Variants in ULK4 observed in about 807,000 individuals in gnomAD.
The protein encoded by ULK4 is inactive serine/threonine-protein kinase ULK4.
In ULK4, 133 loss-of-function variants were observed where a neutral mutation model predicts 160.6. The observed-to-expected ratio is 0.83, with a 90% CI of 0.72 to 0.96. The LOEUF is 0.96. ULK4 is among the 40% of genes least tolerant of loss of function. ULK4 has a pLI of 0.00. For missense variants in ULK4, 1,580 were observed against 1,499.5 expected (o/e 1.05, Z -0.89); for synonymous variants, 534 against 539.8 (o/e 0.99, Z 0.15).
intron 2 of ULK4, among the ~76,000 whole-genome samples, chr3:41,938,884 C>T (rs1292909782): frequency 6.6e-6 from 1 of 152,024 alleles, no homozygotes; most frequent in Non-Finnish European, 1.5e-5. Context: ...AGACACACTA[C>T]TTTTATGGCC....
At chr3:41,498,655 G>A (rs2125914141) in intron 32 of ULK4, among the ~76,000 whole-genome samples, 1 of 151,730 alleles carries the variant, frequency 6.6e-6, no homozygotes, top group Admixed American at 6.5e-5. Flanking sequence ...GAGTGCAGTG[G>A]CACGATCTCA....
Position 41,287,383 on chromosome 3 carries a change from T to C in ULK4, c.3679-37809A>G, listed in dbSNP as rs117185643. Among the ~76,000 whole-genome samples, 65 of 152,278 alleles carry C rather than the reference T, an allele frequency of 4.3e-4. 1 individual carries two copies. The East Asian group carries it at 9.8e-3, about 23-fold the overall frequency. Reference sequence around the variant, plus strand: ...CCTTCTGGCTCAAGAACTGAAATGATATGAAGAGAAAAAACAACGCAGCTT... The same window carrying C: ...CCTTCTGGCTCAAGAACTGAAATGACATGAAGAGAAAAAACAACGCAGCTT... On this transcript the variant is annotated intron_variant, in intron 35 of 36. Transcript: ENST00000301831.
chr3:41,768,737 G>A (rs1176239160), intron 21 of ULK4, among the ~76,000 whole-genome samples: 2 of 152,044 alleles, frequency 1.3e-5, no homozygotes, highest in African/African-American at 4.8e-5. Flanking sequence ...CATTTTGGGT[G>A]GTTTGTTACA....
intron 35 of ULK4, among the ~76,000 whole-genome samples, chr3:41,333,245 A>T (rs1559529311): frequency 1.3e-5 from 2 of 152,220 alleles, no homozygotes; most frequent in Non-Finnish European, 1.5e-5. Flanking sequence ...ATGGAAGTTA[A>T]TGTTATGACA....
chr3:41,809,122 C>A (rs1196780555), intron 19 of ULK4, among the ~76,000 whole-genome samples: 4 of 151,058 alleles, frequency 2.6e-5, no homozygotes, highest in Non-Finnish European at 5.9e-5. Context: ...GCCGTGATCA[C>A]CCCACTGCAC....
intron 35 of ULK4, among the ~76,000 whole-genome samples, chr3:41,320,675 G>C (rs1280400295): frequency 9.0e-6 from 1 of 111,434 alleles, no homozygotes; most frequent in African/African-American, 4.1e-5. Flanking sequence ...CCAGCACTTT[G>C]AGAGGCTGAG....
chr3:41,954,163 T>C (rs6807562), intron 2 of ULK4, among the ~76,000 whole-genome samples: 20,209 of 130,488 alleles, frequency 0.15, 1,530 homozygotes, highest in Middle Eastern at 0.32. Flanking sequence ...GGCGACAGAG[T>C]GAGACTCCGT....
chr3:41,848,238 G>A (rs1424449446), intron 17 of ULK4, among the ~76,000 whole-genome samples: 1 of 151,850 alleles, frequency 6.6e-6, no homozygotes, highest in Non-Finnish European at 1.5e-5. Flanking sequence ...AAACTGTCAG[G>A]AAAAGCAAGT....
chr3:41,863,219 C>T (rs761754581), intron 17 of ULK4, among the ~76,000 whole-genome samples: 10 of 150,842 alleles, frequency 6.6e-5, no homozygotes, highest in Admixed American at 5.3e-4. Flanking sequence ...AGGATCCTCA[C>T]CTGTAGCCAC....
intron 35 of ULK4, among the ~76,000 whole-genome samples, chr3:41,268,059 C>T (rs551333137): frequency 2.0e-5 from 3 of 152,270 alleles, no homozygotes; most frequent in South Asian, 4.1e-4. Context: ...TCTGGAAACA[C>T]TTTTGGTGGT....
intron 32 of ULK4, among the ~76,000 whole-genome samples, chr3:41,534,577 C>T (rs1364370851): frequency 6.7e-6 from 1 of 150,056 alleles, no homozygotes; most frequent in African/African-American, 2.5e-5. Flanking sequence ...AGTAACTACA[C>T]TTAACAGTAT....
At chr3:41,355,130 G>T (rs972767717) in intron 35 of ULK4, among the ~76,000 whole-genome samples, 2 of 152,200 alleles carry the variant, frequency 1.3e-5, no homozygotes, top group Non-Finnish European at 2.9e-5. Context: ...GTGTATTAAG[G>T]AGTGTTTGTA....
chr3:41,266,887 G>A (rs370297989), intron 35 of ULK4, among the ~76,000 whole-genome samples: 18 of 151,892 alleles, frequency 1.2e-4, no homozygotes, highest in African/African-American at 3.9e-4. Context: ...GCTAGGAGTC[G>A]ACTTATGTGG....
chr3:41,497,990 T>C (rs935830804), intron 32 of ULK4, among the ~76,000 whole-genome samples: 1 of 152,070 alleles, frequency 6.6e-6, no homozygotes, highest in Non-Finnish European at 1.5e-5. Flanking sequence ...GACAGAAACA[T>C]TGAAAAAAGA....
At chr3:41,543,816 T>TAG (rs1194898728) in intron 32 of ULK4, among the ~76,000 whole-genome samples, 2 of 152,186 alleles carry the variant, frequency 1.3e-5, no homozygotes, top group Admixed American at 6.5e-5. Context: ...TGACCCCCTT[T>TAG]AGTGAATTGT....
chr3:41,733,725 ATTTT>A (rs778572755), intron 22 of ULK4, among the ~76,000 whole-genome samples: 1 of 93,620 alleles, frequency 1.1e-5, no homozygotes, highest in African/African-American at 6.3e-5. Flanking sequence ...TAAACACATG[ATTTT>A]TTTTTTTTTT....
chr3:41,780,529 C>T (rs757512058), intron 21 of ULK4, among the ~76,000 whole-genome samples: 1 of 152,076 alleles, frequency 6.6e-6, no homozygotes, highest in Non-Finnish European at 1.5e-5. Flanking sequence ...CCTGAGCTTG[C>T]CAGCAAGGCT....
In ULK4 at chr3:41,765,047, T is replaced by C. The variant is rs371990140; in HGVS notation, c.2194-10559A>G. On this transcript the variant is annotated intron_variant, in intron 21 of 36. Coordinates refer to ENST00000301831, the MANE Select transcript of ULK4 (RefSeq NM_017886.4). ...AGAAATACCATTTGACCCAGCCATC[T>C]CATTACTGGGTATATACCCAAAGGA... Among the ~76,000 whole-genome samples, 85 of 152,272 alleles carry C rather than the reference T, an allele frequency of 5.6e-4. 2 individuals carry two copies. The South Asian group carries it at 0.013, about 23-fold the overall frequency.
chr3:41,591,836 T>C (rs9816052), intron 31 of ULK4, among the ~76,000 whole-genome samples: 88,039 of 152,086 alleles, frequency 0.58, 26,619 homozygotes, highest in African/African-American at 0.78. Context: ...ATTAAAATGG[T>C]CATACCAGCT....
Sources: gnomAD v4.1 joint callset for allele counts (sites outside exome capture counted in the v4.1 genomes callset) on GRCh38, gnomAD v4.1.1 for gene constraint, MANE v1.5 for transcripts, NCBI Gene and HGNC (gene_info 2026-07-23, HGNC 2026-07-21) for gene names.